ADCY2: variants seen among roughly 807,000 people sequenced by gnomAD.
ADCY2 encodes the protein adenylate cyclase type 2.
In ADCY2, 31 loss-of-function variants were observed where a neutral mutation model predicts 125.2. The observed-to-expected ratio is 0.25, with a 90% CI of 0.19 to 0.33. The LOEUF (loss-of-function observed/expected upper bound fraction) is 0.33, where lower values mean the gene tolerates loss of function less well. ADCY2 is among the 10% of genes least tolerant of loss of function. ADCY2 has a pLI of 1.00. For missense variants in ADCY2, 904 were observed against 1,418.2 expected (o/e 0.64, Z 5.82); for synonymous variants, 512 against 548.4 (o/e 0.93, Z 0.93).
At chr5:7,698,802 G>A (rs1740978932) in intron 7 of ADCY2, among the ~76,000 whole-genome samples, 1 of 152,176 alleles carries the variant, frequency 6.6e-6, no homozygotes, top group African/African-American at 2.4e-5. Flanking sequence ...GGACTTTTGG[G>A]TTGGTTCCAA....
At chr5:7,740,045 GT>G (rs1742365270) in intron 14 of ADCY2, among the ~76,000 whole-genome samples, 1 of 151,888 alleles carries the variant, frequency 6.6e-6, no homozygotes, top group Non-Finnish European at 1.5e-5. Flanking sequence ...GGATAAAAAT[GT>G]CTTATTCATG....
Position 7,727,178 on chromosome 5 carries a change from A to G in ADCY2, c.1788A>G (p.Ala596=). ...CTCCCCCTCAGTACCGGGCCACGGC[A>G]CTGCCAGCGTTCAAGTATTATGTGA... ...KVLEKEYRAT[A]LPAFKYYVTC... The change falls in exon 14 of 25, where the codon GCA becomes GCG. Residue 596 remains alanine (A), a synonymous_variant. Coordinates refer to ENST00000338316, the MANE Select transcript of ADCY2 (RefSeq NM_020546.3). 6.2e-7 allele frequency: 1 copy of G among 1,614,060 alleles called. No individual in the cohort carries two copies. The highest frequency in any genetic ancestry group is 8.5e-7 in the Non-Finnish European group (1 of 1,179,950).
At chr5:7,752,869 T>G (rs944782350) in intron 15 of ADCY2, among the ~76,000 whole-genome samples, 2 of 149,800 alleles carry the variant, frequency 1.3e-5, no homozygotes, top group African/African-American at 4.9e-5. Context: ...GTTGTCCCCA[T>G]CATCAATTCT....
At chr5:7,685,919 T>A (rs1740506842) in intron 4 of ADCY2, among the ~76,000 whole-genome samples, 1 of 152,212 alleles carries the variant, frequency 6.6e-6, no homozygotes, top group Non-Finnish European at 1.5e-5. Flanking sequence ...CTGGTGTTTG[T>A]CCACTCTGTT....
In ADCY2 at chr5:7,816,456, C is replaced by T. The variant is rs150096518; in HGVS notation, c.2884-410C>T. Among the ~76,000 whole-genome samples, 470 of 152,348 alleles carry T rather than the reference C, an allele frequency of 3.1e-3. 5 individuals are homozygous for T. Among genetic ancestry groups the T allele is most frequent in the African/African-American group, 0.011 (440 of 41,602 alleles). ...GCCCAAGGACAAGGAGCGGGCACCCCCTAGCGGTCAGGCCACCAGAGCCAG... is the reference window on the plus strand; with the variant it reads ...GCCCAAGGACAAGGAGCGGGCACCCTCTAGCGGTCAGGCCACCAGAGCCAG... On this transcript the variant is annotated intron_variant, in intron 22 of 24. Transcript: ENST00000338316.
chr5:7,814,566 A>T (rs1045474172), intron 22 of ADCY2, among the ~76,000 whole-genome samples: 2 of 151,862 alleles, frequency 1.3e-5, no homozygotes, highest in Non-Finnish European at 1.5e-5. Context: ...CCCCATGCAC[A>T]CTCCTTATTA....
chr5:7,790,966 T>C (rs1025531100), intron 20 of ADCY2, among the ~76,000 whole-genome samples: 2 of 152,098 alleles, frequency 1.3e-5, no homozygotes, highest in African/African-American at 4.8e-5. Flanking sequence ...GTCTTGTCTT[T>C]GTCCAGTACC....
chr5:7,427,313 C>A (rs1316077801), intron 2 of ADCY2, among the ~76,000 whole-genome samples: 1 of 152,160 alleles, frequency 6.6e-6, no homozygotes, highest in East Asian at 1.9e-4. Flanking sequence ...CTGCTCAGGA[C>A]TGGGTAATTT....
intron 3 of ADCY2, among the ~76,000 whole-genome samples, chr5:7,543,524 C>A (rs1239516878): frequency 6.6e-6 from 1 of 152,088 alleles, no homozygotes; most frequent in Non-Finnish European, 1.5e-5. Context: ...GCTGCCAGTC[C>A]TAGGTTCCCC....
intron 14 of ADCY2, among the ~76,000 whole-genome samples, chr5:7,737,711 A>G (rs1160807901): frequency 6.6e-6 from 1 of 152,214 alleles, no homozygotes; most frequent in Non-Finnish European, 1.5e-5. Context: ...ATGAACATCA[A>G]GCAGGATAAA....
chr5:7,530,747 C>T (rs1271697145), intron 3 of ADCY2, among the ~76,000 whole-genome samples: 2 of 152,072 alleles, frequency 1.3e-5, no homozygotes, highest in Non-Finnish European at 2.9e-5. Context: ...TCAGTAGCCT[C>T]GATGTACCTT....
At chr5:7,458,243 CA>C (rs1741780656) in intron 2 of ADCY2, among the ~76,000 whole-genome samples, 1 of 151,794 alleles carries the variant, frequency 6.6e-6, no homozygotes, top group East Asian at 1.9e-4. Flanking sequence ...AACTTTGGAC[CA>C]AAAAATAATA....
chr5:7,491,678 A>T (rs897754438), intron 2 of ADCY2, among the ~76,000 whole-genome samples: 1 of 152,164 alleles, frequency 6.6e-6, no homozygotes, highest in Admixed American at 6.5e-5. Flanking sequence ...AGATGTTAAA[A>T]TCACTACTTT....
intron 3 of ADCY2, among the ~76,000 whole-genome samples, chr5:7,553,236 C>T (rs768296132): frequency 1.3e-5 from 2 of 152,150 alleles, no homozygotes; most frequent in Non-Finnish European, 2.9e-5. Flanking sequence ...TAAATAGGAT[C>T]CCAGATTCAT....
chr5:7,558,691 A>T (rs1024010977), intron 3 of ADCY2, among the ~76,000 whole-genome samples: 2 of 152,108 alleles, frequency 1.3e-5, no homozygotes, highest in African/African-American at 2.4e-5. Context: ...GTTTAATTAG[A>T]TTCCATTTTT....
chr5:7,415,155 A>T (rs1383652938), intron 2 of ADCY2, among the ~76,000 whole-genome samples: 2 of 152,158 alleles, frequency 1.3e-5, no homozygotes, highest in African/African-American at 4.8e-5. Flanking sequence ...TCTACTCTTT[A>T]AGCAATTTTG....
intron 3 of ADCY2, among the ~76,000 whole-genome samples, chr5:7,532,644 C>T (rs1030811817): frequency 6.6e-6 from 1 of 151,940 alleles, no homozygotes; most frequent in African/African-American, 2.4e-5. Flanking sequence ...TTTAGGGACT[C>T]CTTTGTTTTT....
intron 3 of ADCY2, among the ~76,000 whole-genome samples, chr5:7,529,537 G>A (rs922256343): frequency 1.3e-5 from 2 of 152,316 alleles, no homozygotes; most frequent in East Asian, 1.9e-4. Flanking sequence ...TCAGCATCTC[G>A]TGAATGTCTG....
intron 21 of ADCY2, among the ~76,000 whole-genome samples, chr5:7,804,247 T>C (rs1744691626): frequency 6.6e-6 from 1 of 152,206 alleles, no homozygotes; most frequent in South Asian, 2.1e-4. Flanking sequence ...ATCATAATTT[T>C]ATATTTATGC....
Sources: allele counts gnomAD v4.1 joint callset (sites outside exome capture counted in the v4.1 genomes callset), GRCh38; gene constraint gnomAD v4.1.1; transcripts MANE v1.5; gene names NCBI Gene and HGNC (gene_info 2026-07-23, HGNC 2026-07-21).